Variants in NTM observed in about 807,000 individuals in gnomAD.
NTM encodes IgLON family member 2.
Under a neutral mutation model 42.1 loss-of-function variants are expected in NTM, and 13 were observed. The observed-to-expected ratio is 0.31, with a 90% CI of 0.20 to 0.49. The LOEUF is 0.49. Ranked by LOEUF, NTM falls within the 20% of genes least tolerant of loss-of-function variation. The pLI is 0.99. For missense variants in NTM, 373 were observed against 452.8 expected (o/e 0.82, Z 1.60); for synonymous variants, 187 against 179.2 (o/e 1.04, Z -0.35).
intron 1 of NTM, among the ~76,000 whole-genome samples, chr11:131,890,137 CCTCTCT>C (rs1161931332): frequency 9.2e-6 from 1 of 108,646 alleles, no homozygotes; most frequent in Non-Finnish European, 1.8e-5. Context: ...CCTCTCTCTC[CCTCTCT>C]CTCTCTCTCT....
At chr11:131,384,660 A>T (rs1943092888) in intron 1 of NTM, among the ~76,000 whole-genome samples, 1 of 152,160 alleles carries the variant, frequency 6.6e-6, no homozygotes, top group African/African-American at 2.4e-5. Flanking sequence ...GCCCTCAGGG[A>T]ATACAAACAG....
At chr11:131,715,162 CA>C (rs2077559391) in intron 1 of NTM, among the ~76,000 whole-genome samples, 1 of 152,142 alleles carries the variant, frequency 6.6e-6, no homozygotes, top group Non-Finnish European at 1.5e-5. Context: ...GTGGCTTAAA[CA>C]AGATGGAATT....
chr11:131,670,649 T>G (rs56115426), intron 1 of NTM, among the ~76,000 whole-genome samples: 2,240 of 152,214 alleles, frequency 0.015, 57 homozygotes, highest in African/African-American at 0.052. Context: ...GAGACAAGGC[T>G]AGGAGGCCTG....
chr11:132,196,285 G>A (rs771644577), intron 3 of NTM, among the ~76,000 whole-genome samples: 2 of 152,076 alleles, frequency 1.3e-5, no homozygotes, highest in Admixed American at 6.6e-5. Context: ...TTATTAAAAA[G>A]TCGAAAAGCA....
intron 1 of NTM, among the ~76,000 whole-genome samples, chr11:131,683,382 C>T (rs2073308589): frequency 6.6e-6 from 1 of 152,200 alleles, no homozygotes; most frequent in African/African-American, 2.4e-5. Flanking sequence ...GGGGAAACAA[C>T]CTCTGCCCTC....
chr11:132,116,801 C>A (rs2063963041), intron 2 of NTM, among the ~76,000 whole-genome samples: 1 of 152,342 alleles, frequency 6.6e-6, no homozygotes, highest in East Asian at 1.9e-4. Flanking sequence ...TAACAGATGG[C>A]TCAGCCCCTT....
At chr11:131,858,438 G>A (rs1335031195) in intron 1 of NTM, among the ~76,000 whole-genome samples, 2 of 151,848 alleles carry the variant, frequency 1.3e-5, no homozygotes, top group African/African-American at 2.4e-5. Flanking sequence ...GACAATCCTT[G>A]TATCTCCGTC....
intron 1 of NTM, among the ~76,000 whole-genome samples, chr11:131,390,036 A>T (rs759342994): frequency 1.1e-4 from 17 of 152,272 alleles, no homozygotes; most frequent in Admixed American, 7.8e-4. Flanking sequence ...CTATGAAGGA[A>T]TACCTGAGAC....
chr11:131,754,799 T>C (rs2083104086), intron 1 of NTM, among the ~76,000 whole-genome samples: 1 of 152,144 alleles, frequency 6.6e-6, no homozygotes, highest in Non-Finnish European at 1.5e-5. Context: ...CATCAACAGA[T>C]GAGTGGATAA....
chr11:131,489,479 T>A (rs1954538872), intron 1 of NTM, among the ~76,000 whole-genome samples: 2 of 152,242 alleles, frequency 1.3e-5, no homozygotes, highest in African/African-American at 2.4e-5. Context: ...CTACTTTGCG[T>A]GTGTAAAGCA....
intron 2 of NTM, among the ~76,000 whole-genome samples, chr11:131,934,772 C>T (rs577902584): frequency 6.6e-6 from 1 of 152,186 alleles, no homozygotes; most frequent in Non-Finnish European, 1.5e-5. Flanking sequence ...AGCAAGTGTC[C>T]GGTGCTGGAG....
At chr11:131,836,675 A>G (rs1457645044) in intron 1 of NTM, among the ~76,000 whole-genome samples, 2 of 152,256 alleles carry the variant, frequency 1.3e-5, no homozygotes, top group East Asian at 3.9e-4. Context: ...TCAGTTACCC[A>G]ATAAGGGATG....
At chr11:132,331,353 G>A (rs557714733) in intron 8 of NTM, among the ~76,000 whole-genome samples, 6 of 152,144 alleles carry the variant, frequency 3.9e-5, no homozygotes, top group Non-Finnish European at 8.8e-5. Flanking sequence ...TTGCTTCTAT[G>A]TAGATAGACA....
intron 1 of NTM, among the ~76,000 whole-genome samples, chr11:131,568,611 G>T (rs2057130134): frequency 6.6e-6 from 1 of 152,158 alleles, no homozygotes; most frequent in Non-Finnish European, 1.5e-5. Flanking sequence ...TCTCATGGGA[G>T]TCTTTCAACA....
At chr11:132,137,820 A>G (rs1178729238) in intron 2 of NTM, among the ~76,000 whole-genome samples, 2 of 152,054 alleles carry the variant, frequency 1.3e-5, no homozygotes, top group African/African-American at 4.8e-5. Context: ...GCAGAACAAC[A>G]GGAGGCCAGA....
At chr11:132,279,547 C>G (rs927501172) in intron 4 of NTM, among the ~76,000 whole-genome samples, 1 of 152,306 alleles carries the variant, frequency 6.6e-6, no homozygotes, top group South Asian at 2.1e-4. Flanking sequence ...ATCCCAGGCT[C>G]AAACAATTAT....
At chr11:132,289,170 T>G (rs997067525) in intron 4 of NTM, among the ~76,000 whole-genome samples, 4 of 152,324 alleles carry the variant, frequency 2.6e-5, no homozygotes, top group Non-Finnish European at 5.9e-5. Flanking sequence ...TTCTCAGGGA[T>G]GGTGTTTGTT....
intron 2 of NTM, among the ~76,000 whole-genome samples, chr11:132,015,318 G>A (rs1020122737): frequency 2.0e-5 from 3 of 152,050 alleles, no homozygotes; most frequent in Admixed American, 6.6e-5. Flanking sequence ...TTTGAGTCCA[G>A]TAGCGTAATG....
intron 2 of NTM, among the ~76,000 whole-genome samples, chr11:132,017,160 A>T (rs1301613368): frequency 6.6e-6 from 1 of 151,850 alleles, no homozygotes; most frequent in Non-Finnish European, 1.5e-5. Context: ...AAGTCAGTTT[A>T]TCACTTTTTT....
Sources: allele counts gnomAD v4.1 joint callset (sites outside exome capture counted in the v4.1 genomes callset), GRCh38; gene constraint gnomAD v4.1.1; transcripts MANE v1.5; gene names NCBI Gene and HGNC (gene_info 2026-07-23, HGNC 2026-07-21).